Variants in ATP8A2 observed in about 807,000 individuals in gnomAD.
ATP8A2 encodes phospholipid-transporting ATPase IB.
A neutral mutation model predicts 165.6 loss-of-function variants in ATP8A2; 100 were observed. That is an observed-to-expected ratio of 0.60 (90% CI 0.51 to 0.71). ATP8A2 has a LOEUF of 0.71. Among genes scored for constraint, ATP8A2 ranks in the 30% least tolerant of loss-of-function variants. The pLI is 0.00. For missense variants in ATP8A2, 1,227 were observed against 1,479.5 expected (o/e 0.83, Z 2.80); for synonymous variants, 543 against 548.8 (o/e 0.99, Z 0.15).
chr13:25,473,184 T>C (rs867223121), intron 2 of ATP8A2, among the ~76,000 whole-genome samples: 10 of 152,330 alleles, frequency 6.6e-5, no homozygotes, highest in South Asian at 2.1e-4. Context: ...GGAGGGACTG[T>C]GCTATGTATA....
At position 25,412,798 on chromosome 13, in the gene ATP8A2, C is replaced by G. The variant is rs376372323; in HGVS notation, c.76+40510C>G. On this transcript the variant is annotated intron_variant, in intron 1 of 36. Coordinates refer to ENST00000381655, the MANE Select transcript of ATP8A2 (RefSeq NM_016529.6). The stretch of plus-strand genomic sequence containing the variant: ...AGTGTCCAGGTAGGACCTACATGAG[C>G]ATACCTCAGTAATACCAAATGGATC... Among the ~76,000 whole-genome samples the G allele has an allele frequency of 2.2e-3, 329 of 152,290 alleles. 12 individuals carry two copies. The South Asian group carries it at 0.065, about 30-fold the overall frequency.
intron 1 of ATP8A2, among the ~76,000 whole-genome samples, chr13:25,396,197 A>G (rs561725706): frequency 1.5e-3 from 226 of 152,256 alleles, no homozygotes; most frequent in African/African-American, 5.3e-3. Context: ...GCCTGTCTGG[A>G]TTCTTCTCGT....
chr13:25,891,112 CA>C (rs1953346255), intron 33 of ATP8A2, among the ~76,000 whole-genome samples: 1 of 152,202 alleles, frequency 6.6e-6, no homozygotes, highest in Non-Finnish European at 1.5e-5. Flanking sequence ...GTTGAAAATG[CA>C]AGCTACATTG....
intron 24 of ATP8A2, among the ~76,000 whole-genome samples, chr13:25,609,837 T>C (rs191657104): frequency 1.3e-4 from 20 of 151,876 alleles, no homozygotes; most frequent in African/African-American, 3.9e-4. Flanking sequence ...TGGTATCCCA[T>C]TGTGGTTTTG....
rs543115296 is a variant in ATP8A2, at chr13:25,911,447, C to A, written c.3183+49039C>A. On this transcript the variant is annotated intron_variant, in intron 33 of 36. Transcript: ENST00000381655. ...TCTCAGCCAGCGTTCTGTGATGTAC[C>A]AAGGCAGCCCAGTGGGAGTCCCAGA... Among the ~76,000 whole-genome samples the A allele has an allele frequency of 3.3e-5, 5 of 152,210 alleles. No homozygotes were observed. The East Asian group carries it at 9.7e-4, about 29-fold the overall frequency.
chr13:25,953,976 C>T lies in ATP8A2; in HGVS notation c.3184-7599C>T, dbSNP rs1955451874. On this transcript the variant is annotated intron_variant, in intron 33 of 36. Transcript: ENST00000381655. This position sits in a 1 kb window ranked among gnomAD's most constrained non-coding sequence, Gnocchi z 6.7. ...TGCAGGAGTTTTTTTTTTTCATACC[C>T]CAGTGGCACCTGGAATGCCAGCAAG... 6.6e-6 allele frequency among the ~76,000 whole-genome samples: 1 copy of T among 151,404 alleles called. No individual in the cohort carries two copies.
chr13:25,525,027 GC>G (rs1353979951), intron 2 of ATP8A2, among the ~76,000 whole-genome samples: 1 of 149,332 alleles, frequency 6.7e-6, no homozygotes, highest in Non-Finnish European at 1.5e-5. Context: ...TTAATTTGTT[GC>G]TTTTTATTTT....
chr13:25,563,316 G>A (rs1430647164), intron 15 of ATP8A2, among the ~76,000 whole-genome samples: 2 of 152,116 alleles, frequency 1.3e-5, no homozygotes, highest in African/African-American at 4.8e-5. Flanking sequence ...GGCTGAGGCA[G>A]GAGAATTGCT....
intron 23 of ATP8A2, among the ~76,000 whole-genome samples, chr13:25,584,053 T>C (rs1051074408): frequency 6.6e-6 from 1 of 152,202 alleles, no homozygotes; most frequent in Non-Finnish European, 1.5e-5. Flanking sequence ...ATCTTGGGTG[T>C]TACTAAGTAA....
At chr13:25,731,445 A>G (rs2043642276) in intron 25 of ATP8A2, among the ~76,000 whole-genome samples, 1 of 152,162 alleles carries the variant, frequency 6.6e-6, no homozygotes, top group African/African-American at 2.4e-5. Flanking sequence ...GATTAAAGCC[A>G]TAACAATTAA....
At chr13:25,740,193 C>T (rs773909403) in intron 25 of ATP8A2, among the ~76,000 whole-genome samples, 2 of 151,670 alleles carry the variant, frequency 1.3e-5, no homozygotes, top group East Asian at 3.9e-4. Flanking sequence ...CCTGTAGTCC[C>T]AGCTTCTCAG....
chr13:25,671,774 G>A (rs1017199769), intron 24 of ATP8A2, among the ~76,000 whole-genome samples: 1 of 152,134 alleles, frequency 6.6e-6, no homozygotes, highest in South Asian at 2.1e-4. Context: ...CGGTCCTGTG[G>A]TCCTGTGATC....
intron 24 of ATP8A2, among the ~76,000 whole-genome samples, chr13:25,599,568 T>C (rs2040327408): frequency 6.6e-6 from 1 of 152,256 alleles, no homozygotes; most frequent in South Asian, 2.1e-4. Flanking sequence ...CTTTGATAAA[T>C]ATTAATTTCC....
chr13:25,818,477 A>G (rs1267878740), intron 27 of ATP8A2, among the ~76,000 whole-genome samples: 2 of 152,216 alleles, frequency 1.3e-5, no homozygotes, highest in Non-Finnish European at 2.9e-5. Flanking sequence ...AGTCTACTAA[A>G]CACCTATTTG....
chr13:25,439,828 G>T (rs2034882667), intron 1 of ATP8A2, among the ~76,000 whole-genome samples: 2 of 151,872 alleles, frequency 1.3e-5, no homozygotes, highest in Non-Finnish European at 2.9e-5. Flanking sequence ...GATTGCTTGG[G>T]CCCAGGAGTT....
In ATP8A2 at chr13:25,540,270, T is replaced by C. The variant is rs751056303; in HGVS notation, c.582-49T>C. On this transcript the variant is annotated intron_variant, in intron 7 of 36. Transcript: ENST00000381655. ...AATAGAGATTTTCTAAACTGTGAAT[T>C]TGTGGAAAGGACCTTATGAAACTTG... 1.1e-5 allele frequency: 15 copies of C among 1,357,060 alleles called. No homozygotes were observed. In the African/African-American group the frequency reaches 1.9e-4, roughly 17 times the overall value. The allele number at this position is 1,357,060 out of a possible 1,614,324, so 84.1% of individuals were successfully genotyped here.
intron 25 of ATP8A2, among the ~76,000 whole-genome samples, chr13:25,753,075 C>T (rs2044187778): frequency 6.6e-6 from 1 of 152,200 alleles, no homozygotes; most frequent in African/African-American, 2.4e-5. Context: ...CTTCAGCAAG[C>T]TGGGCCCTTA....
At chr13:25,976,241 T>A (rs1411486698) in intron 35 of ATP8A2, among the ~76,000 whole-genome samples, 1 of 152,084 alleles carries the variant, frequency 6.6e-6, no homozygotes. Flanking sequence ...GTCTTCCTGG[T>A]TTTTAATGCC....
intron 35 of ATP8A2, among the ~76,000 whole-genome samples, chr13:26,000,719 A>AAAT (rs3056360): frequency 6.6e-6 from 1 of 151,310 alleles, no homozygotes; most frequent in Admixed American, 6.6e-5. Context: ...AAAAAAAAAA[A>AAAT]TTAAGTACTT....
Sources: gnomAD v4.1 joint callset for allele counts (sites outside exome capture counted in the v4.1 genomes callset) on GRCh38, gnomAD v4.1.1 for gene constraint, Gnocchi (gnomAD v3.1) non-coding constraint, MANE v1.5 for transcripts, NCBI Gene and HGNC (gene_info 2026-07-23, HGNC 2026-07-21) for gene names.